Variants in CDH9 observed in about 807,000 individuals in gnomAD.
CDH9 encodes the protein cadherin 9, also known as cadherin-9.
In CDH9, 28 loss-of-function variants were observed where a neutral mutation model predicts 70.9. The observed-to-expected ratio is 0.40, with a 90% CI of 0.29 to 0.54. CDH9 has a LOEUF of 0.54. Ranked by LOEUF, CDH9 falls within the 20% of genes least tolerant of loss-of-function variation. The probability of loss-of-function intolerance (pLI) is 0.59; values close to 1 mark genes in which losing one functional copy is unlikely to be tolerated. For synonymous variants in CDH9, 409 were observed against 343.1 expected (o/e 1.19, Z -2.12); for missense variants, 874 against 984.4 (o/e 0.89, Z 1.50).
At chr5:26,962,684 T>G (rs1742057622) in intron 2 of CDH9, among the ~76,000 whole-genome samples, 1 of 152,156 alleles carries the variant, frequency 6.6e-6, no homozygotes, top group African/African-American at 2.4e-5. Flanking sequence ...TGACTCTCAC[T>G]CTCATGCCTC....
At chr5:26,953,043 A>T (rs1489377574) in intron 2 of CDH9, among the ~76,000 whole-genome samples, 1 of 152,074 alleles carries the variant, frequency 6.6e-6, no homozygotes, top group African/African-American at 2.4e-5. Flanking sequence ...TAGCAGCATA[A>T]AGCACGCTGC....
At chr5:26,893,759 G>A (rs1162916896) in intron 7 of CDH9, among the ~76,000 whole-genome samples, 1 of 151,886 alleles carries the variant, frequency 6.6e-6, no homozygotes, top group Non-Finnish European at 1.5e-5. Context: ...GTTTGTCAGA[G>A]TATTATCAGA....
intron 1 of CDH9, among the ~76,000 whole-genome samples, chr5:27,032,927 T>C (rs1028808164): frequency 6.6e-6 from 1 of 151,312 alleles, no homozygotes; most frequent in African/African-American, 2.4e-5. Flanking sequence ...ATAATAATTA[T>C]CTACTTTTTG....
intron 2 of CDH9, among the ~76,000 whole-genome samples, chr5:26,930,142 T>G (rs10061962): frequency 0.096 from 14,656 of 152,030 alleles, 883 homozygotes; most frequent in East Asian, 0.19. Flanking sequence ...CCTACATAAA[T>G]ATAAAAAATT....
rs759475315 is a variant in CDH9, at chr5:26,881,440, C to A, written c.2066G>T (p.Arg689Ile). ...AATAGTTTCAGGCATTACATCCCGTCTAAGTTTACTGTCTTCTCTTGCCTC... is the reference window on the plus strand; with the variant it reads ...AATAGTTTCAGGCATTACATCCCGTATAAGTTTACTGTCTTCTCTTGCCTC... The part of the protein sequence containing the change: ...NPEAREDSKL[R>I]RDVMPETIFQ... Residue 689 changes from arginine (R) to isoleucine (I), a missense_variant, in exon 12 of 12, where the codon AGA becomes ATA. Arg to Ile is a moderately conservative substitution (Grantham distance 97, BLOSUM62 -3). Coordinates refer to ENST00000231021, the MANE Select transcript of CDH9 (RefSeq NM_016279.4). 1 of 1,613,608 alleles carries A rather than the reference C, an allele frequency of 6.2e-7. No individual in the cohort carries two copies. The highest frequency in any genetic ancestry group is 8.5e-7 in the Non-Finnish European group (1 of 1,179,664).
intron 2 of CDH9, among the ~76,000 whole-genome samples, chr5:26,974,770 A>G (rs908781790): frequency 6.6e-6 from 1 of 152,138 alleles, no homozygotes; most frequent in Non-Finnish European, 1.5e-5. Flanking sequence ...AAGTGAGCAC[A>G]CTTAACCTAA....
intron 2 of CDH9, among the ~76,000 whole-genome samples, chr5:26,961,921 C>T (rs1450390065): frequency 1.8e-4 from 27 of 152,110 alleles, no homozygotes; most frequent in African/African-American, 5.8e-4. Context: ...TGGTTTGCCA[C>T]ACCCATCAAC....
chr5:26,979,552 A>G (rs1027462060), intron 2 of CDH9, among the ~76,000 whole-genome samples: 2 of 151,922 alleles, frequency 1.3e-5, no homozygotes, highest in African/African-American at 4.8e-5. Flanking sequence ...GGCATTATAT[A>G]TGAATGGGTT....
chr5:27,035,401 A>G (rs1743374431), intron 1 of CDH9, among the ~76,000 whole-genome samples: 2 of 151,684 alleles, frequency 1.3e-5, no homozygotes, highest in Non-Finnish European at 3.0e-5. Context: ...TATGCAAGAT[A>G]CAGAGAAAGA....
At chr5:26,883,236 ATAAATT>A (rs1233176857) in intron 11 of CDH9, among the ~76,000 whole-genome samples, 2 of 151,028 alleles carry the variant, frequency 1.3e-5, no homozygotes, top group Non-Finnish European at 3.0e-5. Context: ...TTAATATTAA[ATAAATT>A]TATAAGTTCT....
At chr5:26,905,677 A>C (rs1393740242) in intron 5 of CDH9, among the ~76,000 whole-genome samples, 1 of 152,126 alleles carries the variant, frequency 6.6e-6, no homozygotes, top group African/African-American at 2.4e-5. Context: ...AGTCTGGAAA[A>C]CTTTATAATC....
Position 26,885,834 on chromosome 5 carries a change from A to G in CDH9, c.1662T>C (p.Asp554=). The G allele has an allele frequency of 6.2e-7, 1 of 1,613,990 alleles. No homozygotes were observed. The highest frequency in any genetic ancestry group is 8.5e-7 in the Non-Finnish European group (1 of 1,179,918). The change falls in exon 11 of 12, where the codon GAT becomes GAC. Residue 554 remains aspartate, a synonymous_variant. Coordinates refer to ENST00000231021, the MANE Select transcript of CDH9 (RefSeq NM_016279.4). ...TGCTCATTTTGTTGCGACTGTAGCCATCTTTCCGAGTCATGATTCCTGCTG... is the reference window on the plus strand; with the variant it reads ...TGCTCATTTTGTTGCGACTGTAGCCGTCTTTCCGAGTCATGATTCCTGCTG... ...DNTAGIMTRK[D]GYSRNKMSTY...
chr5:27,012,193 ATTAC>A (rs1429933260), intron 1 of CDH9, among the ~76,000 whole-genome samples: 2 of 151,944 alleles, frequency 1.3e-5, no homozygotes, highest in Non-Finnish European at 2.9e-5. Flanking sequence ...TTATCTCTAG[ATTAC>A]TTAAAATATG....
intron 11 of CDH9, 96 bp downstream of exon 11, chr5:26,885,518 T>C: frequency 9.8e-7 from 1 of 1,017,186 alleles, no homozygotes; most frequent in Non-Finnish European, 1.5e-6. Context: ...GTTCTATCTT[T>C]ATCTATAGAG....
chr5:27,019,066 C>A (rs1743093269), intron 1 of CDH9, among the ~76,000 whole-genome samples: 1 of 151,868 alleles, frequency 6.6e-6, no homozygotes, highest in African/African-American at 2.4e-5. Flanking sequence ...GCACTGAAAT[C>A]CACCCAGAAA....
chr5:26,951,291 C>CAAAAAAAAA lies in CDH9; in HGVS notation c.229-35376_229-35368dup, dbSNP rs796799417. Among the ~76,000 whole-genome samples the CAAAAAAAAA allele has an allele frequency of 4.6e-5, 4 of 86,194 alleles. 2 individuals carry two copies. The highest frequency in any genetic ancestry group is 2.9e-4 in the Admixed American group (2 of 7,016). 56.5% of individuals were successfully genotyped at this position (86,194 alleles called of 152,430 possible). ...TGGGTGACAGAGCAAGACTCTGTCT[C>CAAAAAAAAA]AAAAAAAAAAAAAAAAAAAAAAAAA... On this transcript the variant is annotated intron_variant, in intron 2 of 11. Coordinates refer to ENST00000231021, the MANE Select transcript of CDH9 (RefSeq NM_016279.4).
chr5:26,978,125 A>G (rs1742335497), intron 2 of CDH9, among the ~76,000 whole-genome samples: 1 of 152,068 alleles, frequency 6.6e-6, no homozygotes, highest in Non-Finnish European at 1.5e-5. Context: ...AATGTCTAGT[A>G]TATAATCTAA....
intron 2 of CDH9, among the ~76,000 whole-genome samples, chr5:26,980,585 T>C (rs149539257): frequency 2.1e-4 from 32 of 152,086 alleles, no homozygotes; most frequent in Non-Finnish European, 3.5e-4. Context: ...TTATAAAAGA[T>C]TTGCTTGAGT....
intron 7 of CDH9, among the ~76,000 whole-genome samples, chr5:26,899,863 T>C (rs1329754571): frequency 1.0e-4 from 15 of 146,956 alleles, no homozygotes; most frequent in Admixed American, 6.2e-4. Context: ...GAACTTAAAG[T>C]ATAATTTAAA....
Sources: gnomAD v4.1 joint callset for allele counts (sites outside exome capture counted in the v4.1 genomes callset) on GRCh38, gnomAD v4.1.1 for gene constraint, MANE v1.5 for transcripts, NCBI Gene and HGNC (gene_info 2026-07-23, HGNC 2026-07-21) for gene names.